Variants in ANAPC1 observed in about 807,000 individuals in gnomAD.
The protein encoded by ANAPC1 is anaphase-promoting complex subunit 1.
Under a neutral mutation model 208.0 loss-of-function variants are expected in ANAPC1, and 36 were observed. The observed-to-expected ratio is 0.17, with a 90% CI of 0.13 to 0.23. The LOEUF is 0.23. ANAPC1 is among the 10% of genes least tolerant of loss of function. The pLI, the probability that ANAPC1 is intolerant of heterozygous loss-of-function variation, is 1.00. For missense variants in ANAPC1, 942 were observed against 2,011.6 expected, an observed-to-expected ratio of 0.47 and a Z score of 10.17; for synonymous variants, 378 against 695.2, an observed-to-expected ratio of 0.54 and a Z score of 7.18.
chr2:111,791,050 TTTATG>T (rs1558667868), intron 38 of ANAPC1, among the ~76,000 whole-genome samples: 1 of 152,260 alleles, frequency 6.6e-6, no homozygotes, highest in East Asian at 1.9e-4. Flanking sequence ...ATTGATAAGT[TTTATG>T]TTATGTGTAT....
At chr2:111,842,281 AATT>A (rs1680806012) in intron 17 of ANAPC1, among the ~76,000 whole-genome samples, 1 of 152,210 alleles carries the variant, frequency 6.6e-6, no homozygotes, top group African/African-American at 2.4e-5. Flanking sequence ...TAAGTAGTAT[AATT>A]ATTTTCTTAA....
chr2:111,806,386 C>G (rs1187258849), intron 29 of ANAPC1, among the ~76,000 whole-genome samples: 1 of 27,188 alleles, frequency 3.7e-5, no homozygotes, highest in African/African-American at 1.5e-4. Context: ...CAAAAACTAG[C>G]CAGGGTGCCA....
chr2:111,880,226 A>C (rs375957537), intron 2 of ANAPC1, among the ~76,000 whole-genome samples: 1 of 151,306 alleles, frequency 6.6e-6, no homozygotes, highest in South Asian at 2.1e-4. Context: ...ATACAAAATT[A>C]GTAGGGGTGG....
chr2:111,813,402 G>T (rs1046490356), intron 28 of ANAPC1, among the ~76,000 whole-genome samples: 1 of 152,082 alleles, frequency 6.6e-6, no homozygotes, highest in East Asian at 1.9e-4. Flanking sequence ...CTCCATTATG[G>T]CTCCAGGACA....
Position 111,801,764 on chromosome 2 carries a change from G to C in ANAPC1, c.4221+664C>G, listed in dbSNP as rs1198316628. Among the ~76,000 whole-genome samples, 3 of 149,052 alleles carry C rather than the reference G, an allele frequency of 2.0e-5. No individual in the cohort carries two copies. The East Asian group carries it at 6.0e-4, about 30-fold the overall frequency. Reference sequence around the variant, plus strand: ...TTTAACAAAGAAAAACTAAAATTGAGTTGAATATCACCAAAGTTTAGAGGG... The same window carrying C: ...TTTAACAAAGAAAAACTAAAATTGACTTGAATATCACCAAAGTTTAGAGGG... On this transcript the variant is annotated intron_variant, in intron 33 of 47. Transcript: ENST00000341068.
intron 14 of ANAPC1, among the ~76,000 whole-genome samples, chr2:111,849,547 C>T (rs1279238860): frequency 6.6e-6 from 1 of 152,196 alleles, no homozygotes; most frequent in Non-Finnish European, 1.5e-5. Flanking sequence ...CCTTTAAATA[C>T]AAACCACTTT....
intron 34 of ANAPC1, among the ~76,000 whole-genome samples, chr2:111,799,325 G>A (rs972540850): frequency 6.6e-6 from 1 of 152,098 alleles, no homozygotes; most frequent in Non-Finnish European, 1.5e-5. Flanking sequence ...ATGGGCAACA[G>A]CCAACACTCT....
At chr2:111,793,428 T>C (rs1192844599) in intron 37 of ANAPC1, among the ~76,000 whole-genome samples, 1 of 151,940 alleles carries the variant, frequency 6.6e-6, no homozygotes, top group Non-Finnish European at 1.5e-5. Flanking sequence ...TCTCCCTATG[T>C]TGCCCAGGCT....
At chr2:111,828,548 C>T (rs1295671185) in intron 21 of ANAPC1, among the ~76,000 whole-genome samples, 3 of 152,184 alleles carry the variant, frequency 2.0e-5, no homozygotes, top group Non-Finnish European at 2.9e-5. Context: ...ACCCAAATGT[C>T]CATCATCAGG....
At chr2:111,772,092 T>C (rs893645284) in intron 47 of ANAPC1, among the ~76,000 whole-genome samples, 3 of 147,336 alleles carry the variant, frequency 2.0e-5, no homozygotes, top group African/African-American at 7.5e-5. Context: ...ATGGAATATT[T>C]AGTTTATTAG....
At chr2:111,840,324 G>C (rs1680694637) in intron 17 of ANAPC1, among the ~76,000 whole-genome samples, 1 of 152,188 alleles carries the variant, frequency 6.6e-6, no homozygotes, top group Admixed American at 6.5e-5. Context: ...TTGCCAATGA[G>C]GACCATTTTA....
chr2:111,862,123 C>T (rs1218577720), intron 10 of ANAPC1, among the ~76,000 whole-genome samples: 32 of 150,734 alleles, frequency 2.1e-4, no homozygotes, highest in South Asian at 8.5e-4. Flanking sequence ...AGGCTGGTCT[C>T]GAACTCCTAG....
chr2:111,789,036 G>T (rs1334159669), intron 38 of ANAPC1, among the ~76,000 whole-genome samples: 2 of 152,262 alleles, frequency 1.3e-5, no homozygotes, highest in Non-Finnish European at 2.9e-5. Context: ...TACTTGGAAG[G>T]CTGAGGCAGG....
intron 14 of ANAPC1, 87 bp from the exon 15 acceptor site, chr2:111,847,952 G>A (rs1681184738): frequency 7.8e-6 from 9 of 1,157,768 alleles, no homozygotes; most frequent in East Asian, 2.5e-5. Context: ...TTTTGCATAT[G>A]GTCTAACAAA....
intron 14 of ANAPC1, among the ~76,000 whole-genome samples, chr2:111,849,489 G>C (rs773622229): frequency 6.6e-6 from 1 of 152,148 alleles, no homozygotes; most frequent in Non-Finnish European, 1.5e-5. Flanking sequence ...ACAACTGATA[G>C]CACTAACCTT....
intron 13 of ANAPC1, among the ~76,000 whole-genome samples, chr2:111,854,613 A>G (rs1383264105): frequency 6.6e-6 from 1 of 152,212 alleles, no homozygotes; most frequent in Non-Finnish European, 1.5e-5. Context: ...AGCAGCTTCT[A>G]CATCAGCACA....
At chr2:111,863,626 T>A in intron 9 of ANAPC1, 49 bp downstream of exon 9, 1 of 1,561,084 alleles carries the variant, frequency 6.4e-7, no homozygotes, top group Non-Finnish European at 8.7e-7. Context: ...TCTAAATCCT[T>A]CAAAACAAAA....
In ANAPC1 at chr2:111,767,972, G is replaced by A. The variant is rs1423897407; in HGVS notation, c.*1319C>T. The A allele has an allele frequency of 6.6e-6, 1 of 152,012 alleles. No individual in the cohort carries two copies. The highest frequency in any genetic ancestry group is 1.5e-5 in the Non-Finnish European group (1 of 67,994). The allele number at this position is 152,012 out of a possible 1,614,324, so 9.4% of individuals were successfully genotyped here. A position where few individuals can be genotyped will look rare whatever the true frequency, so the allele number is the denominator to read the frequency against. The stretch of plus-strand genomic sequence containing the variant: ...TGCCTTCCAAGTCTACTCTGCAGAC[G>A]CAAATGTCATGTGGGTTTTTGCCAA... On this transcript the variant is annotated 3_prime_UTR_variant, in exon 48 of 48. Transcript: ENST00000341068.
At chr2:111,813,493 C>T (rs1248545959) in intron 28 of ANAPC1, among the ~76,000 whole-genome samples, 1 of 150,148 alleles carries the variant, frequency 6.7e-6, no homozygotes, top group Non-Finnish European at 1.5e-5. Context: ...TGAGCTACAA[C>T]AGTCTCACCA....
Sources: allele counts gnomAD v4.1 joint callset (sites outside exome capture counted in the v4.1 genomes callset), GRCh38; gene constraint gnomAD v4.1.1; transcripts MANE v1.5; gene names NCBI Gene and HGNC (gene_info 2026-07-23, HGNC 2026-07-21).